The following MYO10 variants were observed in gnomAD, a reference collection of about 807,000 sequenced individuals.
MYO10 encodes the protein unconventional myosin-X.
MYO10 carries 133 observed loss-of-function variants against 257.3 expected under a neutral mutation model. The observed-to-expected ratio is 0.52, with a 90% confidence interval of 0.45 to 0.60. The LOEUF (loss-of-function observed/expected upper bound fraction) is 0.60. Ranked by LOEUF, MYO10 falls within the 20% of genes least tolerant of loss-of-function variation. The probability of loss-of-function intolerance (pLI) is 0.00; values close to 1 mark genes in which losing one functional copy is unlikely to be tolerated. For synonymous variants in MYO10, 1,104 were observed against 1,028.6 expected (o/e 1.07, Z -1.40); for missense variants, 2,399 against 2,635.7 (o/e 0.91, Z 1.97).
intron 3 of MYO10, among the ~76,000 whole-genome samples, chr5:16,797,108 T>A (rs253367): frequency 0.53 from 80,576 of 151,732 alleles, 21,577 homozygotes; most frequent in South Asian, 0.66. Context: ...AAGTATTGTT[T>A]TGTTCAGTAT....
chr5:16,895,984 G>A (rs1267695106), intron 1 of MYO10, among the ~76,000 whole-genome samples: 1 of 152,184 alleles, frequency 6.6e-6, no homozygotes, highest in Non-Finnish European at 1.5e-5. Context: ...TCCTCAACCG[G>A]ACTGCAGACG....
rs114955917 is a variant in MYO10, at chr5:16,928,577, G to A, written c.21+7211C>T. Reference sequence around the variant, plus strand: ...CCACACTTTATGGGCCGGGCATGACGGCTCACACCTGTAATCCCAGCACTT... The same window carrying A: ...CCACACTTTATGGGCCGGGCATGACAGCTCACACCTGTAATCCCAGCACTT... On this transcript the variant is annotated intron_variant, in intron 1 of 40. Coordinates refer to ENST00000513610, the MANE Select transcript of MYO10 (RefSeq NM_012334.3). 8.8e-3 allele frequency among the ~76,000 whole-genome samples: 1,337 copies of A among 152,082 alleles called. 23 individuals carry two copies. Among genetic ancestry groups the A allele is most frequent in the African/African-American group, 0.03 (1,263 of 41,504 alleles).
chr5:16,709,460 A>T (rs1738496012), intron 21 of MYO10, among the ~76,000 whole-genome samples: 1 of 152,220 alleles, frequency 6.6e-6, no homozygotes, highest in African/African-American at 2.4e-5. Flanking sequence ...GCATGTGGTT[A>T]TCCTGCTGGC....
At chr5:16,806,971 A>G (rs1742296362) in intron 3 of MYO10, among the ~76,000 whole-genome samples, 1 of 152,190 alleles carries the variant, frequency 6.6e-6, no homozygotes, top group African/African-American at 2.4e-5. Context: ...TAAAACCACA[A>G]TGCTTTTCGT....
intron 1 of MYO10, among the ~76,000 whole-genome samples, chr5:16,890,029 T>A (rs1243136970): frequency 6.6e-6 from 1 of 151,912 alleles, no homozygotes; most frequent in Non-Finnish European, 1.5e-5. Context: ...AGTTTGTTGT[T>A]ACTTCATAAA....
At chr5:16,902,410 C>T (rs922638946) in intron 1 of MYO10, 3 of 1,216,986 alleles carry the variant, frequency 2.5e-6, no homozygotes, top group Non-Finnish European at 3.6e-6. Flanking sequence ...CTGAGAACTG[C>T]ACAACTCAGA....
Position 16,785,861 on chromosome 5 carries a change from C to A in MYO10, c.468-2392G>T, listed in dbSNP as rs566332443. ...TTCCAGCCTGGGCAACAGAGCCAGA[C>A]TCCATCTCAAAAAAATAATTAAAAA... On this transcript the variant is annotated intron_variant, in intron 4 of 40. Transcript: ENST00000513610. 2.0e-5 allele frequency among the ~76,000 whole-genome samples: 3 copies of A among 149,954 alleles called. No homozygotes were observed. The South Asian group carries it at 6.5e-4, about 32-fold the overall frequency.
rs1251718887 is a variant in MYO10 at position 16,769,091 on chromosome 5, T to C, written c.1043A>G (p.Gln348Arg). 6.2e-7 allele frequency: 1 copy of C among 1,611,398 alleles called. No homozygotes were observed. Residue 348 changes from glutamine (Q) to arginine (R), a missense_variant, in exon 10 of 41, where the codon CAG (glutamine) becomes CGG (arginine). By Grantham distance (43) the Gln-to-Arg change is conservative. This residue lies in a region of MYO10 where 337 missense variants were observed against 446.8 expected (regional missense o/e 0.75). Coordinates refer to ENST00000513610, the MANE Select transcript of MYO10 (RefSeq NM_012334.3). ...NIEFITAGGA[Q>R]VSFKTALGRS... is the part of the protein sequence containing the mutation. ...AATCTTACCTGTTTTGAAGGAAACCTGTGCCCCACCAGCAGTGATAAATTC... is the reference window on the plus strand; with the variant it reads ...AATCTTACCTGTTTTGAAGGAAACCCGTGCCCCACCAGCAGTGATAAATTC...
In MYO10 at chr5:16,753,215, G is replaced by T. The variant is rs1740431322; in HGVS notation, c.1929+1613C>A. 2.0e-5 allele frequency among the ~76,000 whole-genome samples: 3 copies of T among 152,314 alleles called. No homozygotes were observed. The South Asian group carries it at 6.2e-4, about 32-fold the overall frequency. On this transcript the variant is annotated intron_variant, in intron 19 of 40. Transcript: ENST00000513610. ...ACAGTCTAGCTCTGTCGCCCAGGAT[G>T]GAGTGCAGTGGCATGACCTCAGCTC...
chr5:16,886,152 G>A (rs953217094), intron 1 of MYO10, among the ~76,000 whole-genome samples: 19 of 152,204 alleles, frequency 1.2e-4, no homozygotes, highest in South Asian at 6.2e-4. Flanking sequence ...GAACACAGGC[G>A]GTTTTTAGGC....
At chr5:16,757,908 G>C (rs1321726100) in intron 18 of MYO10, among the ~76,000 whole-genome samples, 1 of 152,130 alleles carries the variant, frequency 6.6e-6, no homozygotes, top group Non-Finnish European at 1.5e-5. Context: ...CAGGTGATCT[G>C]CCCACCTCGG....
intron 19 of MYO10, among the ~76,000 whole-genome samples, chr5:16,733,879 T>TC (rs1163144494): frequency 6.6e-6 from 1 of 152,008 alleles, no homozygotes; most frequent in Non-Finnish European, 1.5e-5. Context: ...AGCATCCACG[T>TC]CCAGGCAGGG....
intron 2 of MYO10, among the ~76,000 whole-genome samples, chr5:16,851,357 AG>A (rs1414212695): frequency 1.3e-5 from 2 of 152,216 alleles, no homozygotes. Context: ...CTGGAAAGTA[AG>A]GTCTCCAGTA....
intron 9 of MYO10, among the ~76,000 whole-genome samples, chr5:16,777,341 G>A (rs1416254435): frequency 6.6e-6 from 1 of 152,148 alleles, no homozygotes; most frequent in African/African-American, 2.4e-5. Flanking sequence ...AAACAATCAT[G>A]TATATAGCCT....
intron 33 of MYO10, among the ~76,000 whole-genome samples, chr5:16,679,108 TAG>T (rs1396123913): frequency 6.6e-6 from 1 of 152,222 alleles, no homozygotes; most frequent in Non-Finnish European, 1.5e-5. Context: ...TCGGTGTTAA[TAG>T]AGAGACTCAG....
In MYO10 at chr5:16,671,478, G is replaced by C. The variant is rs906159295; in HGVS notation, c.5374C>G (p.Leu1792Val). Residue 1792 changes from leucine to valine, a missense_variant, in exon 38 of 41, where the codon CTG becomes GTG. Around this residue, in one of 3 missense-constraint regions of MYO10, gnomAD observed 1,820 missense variants for 1,939.4 expected, o/e 0.94. Transcript: ENST00000513610. ...TCTTTTGGCACGTTGTCTGTGTCCA[G>C]GAAGCAGTAAAGTTTGAAGTAGAAT... ...WKFYFKLYCF[L>V]DTDNVPKDSV... is the part of the protein sequence containing the mutation. 6 of 1,613,852 alleles carry C rather than the reference G, an allele frequency of 3.7e-6. No individual in the cohort carries two copies. The Admixed American group carries it at 5.0e-5, about 13-fold the overall frequency.
At chr5:16,751,266 AT>A (rs1347211053) in intron 19 of MYO10, among the ~76,000 whole-genome samples, 2 of 149,714 alleles carry the variant, frequency 1.3e-5, no homozygotes, top group Non-Finnish European at 2.9e-5. Context: ...ATTAAAAAAA[AT>A]ATATAAGGAA....
At chr5:16,676,180 T>C (rs1237191087) in intron 33 of MYO10, 26 bp from the exon 34 acceptor site, 5 of 1,609,528 alleles carry the variant, frequency 3.1e-6, no homozygotes, top group Non-Finnish European at 4.2e-6. Context: ...GCAAGCTTAT[T>C]GTAAGAAACC....
At chr5:16,879,025 T>C (rs1744689237) in intron 1 of MYO10, among the ~76,000 whole-genome samples, 1 of 151,812 alleles carries the variant, frequency 6.6e-6, no homozygotes, top group Admixed American at 6.6e-5. Flanking sequence ...TTTTATGACG[T>C]TTACCCATAT....
Sources: allele counts gnomAD v4.1 joint callset (sites outside exome capture counted in the v4.1 genomes callset), GRCh38; gene constraint gnomAD v4.1.1; regional missense constraint gnomAD v4.1.1; transcripts MANE v1.5; gene names NCBI Gene and HGNC (gene_info 2026-07-23, HGNC 2026-07-21).